PNPLA7: variants seen among roughly 807,000 people sequenced by gnomAD.
PNPLA7 encodes the protein patatin-like phospholipase domain-containing protein 7.
In PNPLA7, 153 loss-of-function variants were observed where a neutral mutation model predicts 161.7. That is an observed-to-expected ratio of 0.95 (90% confidence interval 0.83 to 1.08). The LOEUF is 1.08. PNPLA7 is among the 50% of genes least tolerant of loss of function. The probability of loss-of-function intolerance (pLI) is 0.00; values close to 1 mark genes in which losing one functional copy is unlikely to be tolerated. For missense variants in PNPLA7, 1,739 were observed against 1,856.6 expected (o/e 0.94, Z 1.16); for synonymous variants, 809 against 782.1 (o/e 1.03, Z -0.57).
At chr9:137,482,659 C>A (rs1238934840) in intron 21 of PNPLA7, among the ~76,000 whole-genome samples, 3 of 152,138 alleles carry the variant, frequency 2.0e-5, no homozygotes, top group African/African-American at 7.2e-5. Context: ...GAAACGGCAC[C>A]CACACCACAC....
rs1043567834 is a variant in PNPLA7, at chr9:137,501,633, C to CG, written c.1551+16_1551+17insC. The CG allele has an allele frequency of 8.1e-6, 13 of 1,610,222 alleles. 1 individual carries two copies. The African/African-American group carries it at 1.6e-4, about 20-fold the overall frequency. On this transcript the variant is annotated intron_variant, in intron 15 of 34. Transcript: ENST00000406427. ...GCATTGGGTGGTCCCAGTGCCCCCC[C>CG]CCAGACCCCCGCTCACCTGGTCTCC...
In PNPLA7 at chr9:137,523,678, G is replaced by C. The variant is rs1032574825; in HGVS notation, c.748-821C>G. Among the ~76,000 whole-genome samples, 1 of 150,564 alleles carries C rather than the reference G, an allele frequency of 6.6e-6. No homozygotes were observed. The highest frequency in any genetic ancestry group is 1.5e-5 in the Non-Finnish European group (1 of 67,760). ...GTCTCGTTCTGTCGTCCAGGCTGGA[G>C]TGCAATGGCGTGATCTTGGCTCACT... On this transcript the variant is annotated intron_variant, in intron 8 of 34. Coordinates refer to ENST00000406427, the MANE Select transcript of PNPLA7 (RefSeq NM_001098537.3). The surrounding 1 kb of genome is among the most constrained non-coding windows in gnomAD (Gnocchi z 4.4).
Position 137,505,776 on chromosome 9 carries a change from G to C in PNPLA7, c.1327-16C>G, listed in dbSNP as rs372468512. 12 of 1,612,842 alleles carry C rather than the reference G, an allele frequency of 7.4e-6. No homozygotes were observed. The highest frequency in any genetic ancestry group is 1.0e-5 in the Non-Finnish European group (12 of 1,179,200). ...TTTTCCTGGACTGGAGAAGAACGGAGATACCGGCAATTCGAAGGGATGTGG... is the reference window on the plus strand; with the variant it reads ...TTTTCCTGGACTGGAGAAGAACGGACATACCGGCAATTCGAAGGGATGTGG... On this transcript the variant is annotated splice_polypyrimidine_tract_variant and intron_variant, in intron 13 of 34. Transcript: ENST00000406427.
rs1020948051 is a variant in PNPLA7, at chr9:137,499,747, G to A, written c.1757+944C>T. On this transcript the variant is annotated intron_variant, in intron 16 of 34. Coordinates refer to ENST00000406427, the MANE Select transcript of PNPLA7 (RefSeq NM_001098537.3). This position sits in a 1 kb window ranked among gnomAD's most constrained non-coding sequence, Gnocchi z 5.5. ...GTCCCCAGGCTGAAGCAGCAACGGC[G>A]CGGTGCCATTTGCTGGATTACAGGC... 2.6e-5 allele frequency among the ~76,000 whole-genome samples: 4 copies of A among 152,240 alleles called. No homozygotes were observed. Among genetic ancestry groups the A allele is most frequent in the Admixed American group, 6.5e-5 (1 of 15,292 alleles).
At chr9:137,510,881 ATAGT>A (rs1834188698) in intron 12 of PNPLA7, among the ~76,000 whole-genome samples, 1 of 152,250 alleles carries the variant, frequency 6.6e-6, no homozygotes, top group African/African-American at 2.4e-5. Context: ...AATCAAGAAA[ATAGT>A]TAGGATAAGA....
rs531615791 is a variant in PNPLA7, at chr9:137,523,276, G to T, written c.748-419C>A. Among the ~76,000 whole-genome samples, 1 of 151,186 alleles carries T rather than the reference G, an allele frequency of 6.6e-6. No homozygotes were observed. The highest frequency in any genetic ancestry group is 1.5e-5 in the Non-Finnish European group (1 of 67,716). The stretch of plus-strand genomic sequence containing the variant: ...CAACCTGAGCGGGCTTCCTAAAAAG[G>T]CCACCGAGAGGGTCAGGAGCCACCA... On this transcript the variant is annotated intron_variant, in intron 8 of 34. Coordinates refer to ENST00000406427, the MANE Select transcript of PNPLA7 (RefSeq NM_001098537.3). This position sits in a 1 kb window ranked among gnomAD's most constrained non-coding sequence, Gnocchi z 4.4.
At chr9:137,460,604 CACCAG>C (rs1831132686) in intron 34 of PNPLA7, 25 bp downstream of exon 34, 1 of 1,603,432 alleles carries the variant, frequency 6.2e-7, no homozygotes, top group African/African-American at 1.3e-5. Flanking sequence ...CAGCTGTGGG[CACCAG>C]GTGGGACCAT....
intron 8 of PNPLA7, among the ~76,000 whole-genome samples, chr9:137,538,511 TC>T: frequency 6.6e-6 from 1 of 152,162 alleles, no homozygotes; most frequent in East Asian, 1.9e-4. Flanking sequence ...CCTGAATGCA[TC>T]CGAGCCAGGG....
Position 137,519,999 on chromosome 9 carries a change from G to C in PNPLA7, c.1002C>G (p.Ala334=). 6.2e-7 allele frequency: 1 copy of C among 1,612,720 alleles called. No homozygotes were observed. The highest frequency in any genetic ancestry group is 8.5e-7 in the Non-Finnish European group (1 of 1,179,920). The change falls in exon 11 of 35, where the codon GCC becomes GCG. Residue 334 remains alanine, a synonymous_variant. Coordinates refer to ENST00000406427, the MANE Select transcript of PNPLA7 (RefSeq NM_001098537.3). ...AGAACACCTGCTTCTTGGCCTTCCCGGCAGCCACACTGGCTACAGACACGA... is the reference window on the plus strand; with the variant it reads ...AGAACACCTGCTTCTTGGCCTTCCCCGCAGCCACACTGGCTACAGACACGA... ...IPLVSVASVA[A]GKAKKQVFYG... is the part of the protein sequence containing the mutation.
At chr9:137,532,909 C>A (rs1011952152) in intron 8 of PNPLA7, among the ~76,000 whole-genome samples, 2 of 152,160 alleles carry the variant, frequency 1.3e-5, no homozygotes, top group African/African-American at 4.8e-5. Flanking sequence ...CGGGAGCACT[C>A]CCAGACTCCT....
rs570420990 is a variant in PNPLA7 at position 137,487,950 on chromosome 9, G to A, written c.2198-3214C>T. 1.4e-4 allele frequency among the ~76,000 whole-genome samples: 21 copies of A among 149,310 alleles called. 1 individual carries two copies. Among genetic ancestry groups the A allele is most frequent in the Admixed American group, 4.6e-4 (7 of 15,186 alleles). On this transcript the variant is annotated intron_variant, in intron 20 of 34. Transcript: ENST00000406427. ...TGAGCCTTGGCCACACGGGAGGAGC[G>A]GGGGACTCAGGCCCAGATGATGTGT...
chr9:137,488,922 TCCC>T (rs1414478807), intron 20 of PNPLA7, among the ~76,000 whole-genome samples: 2 of 105,916 alleles, frequency 1.9e-5, no homozygotes, highest in Non-Finnish European at 3.6e-5. Context: ...CCAGCAGACA[TCCC>T]CCCAACTGTG....
Position 137,490,399 on chromosome 9 carries a change from C to G in PNPLA7, c.2197+2614G>C, listed in dbSNP as rs1326974140. 6.6e-6 allele frequency among the ~76,000 whole-genome samples: 1 copy of G among 152,178 alleles called. No homozygotes were observed. Among genetic ancestry groups the G allele is most frequent in the African/African-American group, 2.4e-5 (1 of 41,442 alleles). On this transcript the variant is annotated intron_variant, in intron 20 of 34. Transcript: ENST00000406427. The surrounding 1 kb of genome is among the most constrained non-coding windows in gnomAD (Gnocchi z 4.1). ...TGTAAGACACTGTGCCTGGTCAAAA[C>G]ATTCTTGAACACAGCTAGAGAGAAA...
chr9:137,481,463 T>C (rs1485621454), intron 21 of PNPLA7, among the ~76,000 whole-genome samples: 2 of 152,158 alleles, frequency 1.3e-5, no homozygotes, highest in Non-Finnish European at 2.9e-5. Flanking sequence ...ACATGCCTGT[T>C]CGTATGCATC....
At chr9:137,525,301 C>T (rs930220331) in intron 8 of PNPLA7, among the ~76,000 whole-genome samples, 5 of 152,108 alleles carry the variant, frequency 3.3e-5, no homozygotes, top group East Asian at 1.9e-4. Flanking sequence ...GATGAGAGAT[C>T]GTAGAAATAA....
chr9:137,519,938 G>T lies in PNPLA7; in HGVS notation c.1063C>A (p.Leu355Ile). The change falls in exon 11 of 35, where the codon CTC (leucine) becomes ATC (isoleucine). Residue 355 changes from leucine (L) to isoleucine (I), a missense_variant. Physicochemically the swap from Leu to Ile is conservative, Grantham distance 5. This residue lies in a region of PNPLA7 where 481 missense variants were observed against 450.0 expected (regional missense o/e 1.07). Coordinates refer to ENST00000406427, the MANE Select transcript of PNPLA7 (RefSeq NM_001098537.3). Reference sequence around the variant, plus strand: ...GTACCTGAGTCACAGGACTCCTGGAGCCGCGGTGGCTTTTTAAGCCGCTCT... The same window carrying T: ...GTACCTGAGTCACAGGACTCCTGGATCCGCGGTGGCTTTTTAAGCCGCTCT... ...EEERLKKPPRLQESCDSDHGG... is the reference protein window; with the variant it reads ...EEERLKKPPRIQESCDSDHGG... 6.2e-7 allele frequency: 1 copy of T among 1,612,618 alleles called. No homozygotes were observed. Among genetic ancestry groups the T allele is most frequent in the Non-Finnish European group, 8.5e-7 (1 of 1,179,854 alleles).
rs748895664 is a variant in PNPLA7 at position 137,500,275 on chromosome 9, C to A, written c.1757+416G>T. On this transcript the variant is annotated intron_variant, in intron 16 of 34. Transcript: ENST00000406427. The surrounding 1 kb of genome is among the most constrained non-coding windows in gnomAD (Gnocchi z 5.5). ...CTGCCTTGCCCTTCCACCTCCGCATCACTGGCTCCCGACACGTCAGCCCAG... is the reference window on the plus strand; with the variant it reads ...CTGCCTTGCCCTTCCACCTCCGCATAACTGGCTCCCGACACGTCAGCCCAG... Among the ~76,000 whole-genome samples, 11 of 152,242 alleles carry A rather than the reference C, an allele frequency of 7.2e-5. No individual in the cohort carries two copies. Among genetic ancestry groups the A allele is most frequent in the Non-Finnish European group, 1.6e-4 (11 of 68,044 alleles).
At chr9:137,479,884 G>A (rs1218504366) in intron 23 of PNPLA7, 2 of 985,344 alleles carry the variant, frequency 2.0e-6, no homozygotes, top group African/African-American at 3.5e-5. Context: ...GGATGCAGAG[G>A]CAGAGGGTAA....
At position 137,543,097 on chromosome 9, in the gene PNPLA7, C is replaced by T. The variant is rs12375559; in HGVS notation, c.507-296G>A. 0.022 allele frequency among the ~76,000 whole-genome samples: 3,350 copies of T among 152,168 alleles called. 53 individuals carry two copies. Among genetic ancestry groups the T allele is most frequent in the Non-Finnish European group, 0.032 (2,164 of 67,990 alleles). On this transcript the variant is annotated intron_variant, in intron 6 of 34. Transcript: ENST00000406427. This position sits in a 1 kb window ranked among gnomAD's most constrained non-coding sequence, Gnocchi z 6.9. ...CAGGATGGTGAGCTGGGCCAGGGAGCGGAAGGGGTGCAGTCCAGGGGCCAG... is the reference window on the plus strand; with the variant it reads ...CAGGATGGTGAGCTGGGCCAGGGAGTGGAAGGGGTGCAGTCCAGGGGCCAG...
Sources: gnomAD v4.1 joint callset for allele counts (sites outside exome capture counted in the v4.1 genomes callset) on GRCh38, gnomAD v4.1.1 for gene constraint, gnomAD v4.1.1 regional missense constraint, Gnocchi (gnomAD v3.1) non-coding constraint, MANE v1.5 for transcripts, NCBI Gene and HGNC (gene_info 2026-07-23, HGNC 2026-07-21) for gene names.